The following MCPH1 variants were observed in gnomAD, a reference collection of about 807,000 sequenced individuals.
The protein encoded by MCPH1 is microcephalin.
Under a neutral mutation model 84.5 loss-of-function variants are expected in MCPH1, and 104 were observed. The observed-to-expected ratio is 1.23, with a 90% confidence interval of 1.05 to 1.45. The LOEUF is 1.45. Ranked by LOEUF, MCPH1 falls within the 40% of genes most tolerant of loss-of-function variation. MCPH1 has a pLI of 0.00. For missense variants in MCPH1, 1,498 were observed against 1,005.7 expected, an observed-to-expected ratio of 1.49 and a Z score of -6.62; for synonymous variants, 514 against 366.8, an observed-to-expected ratio of 1.40 and a Z score of -4.58.
intron 11 of MCPH1, among the ~76,000 whole-genome samples, chr8:6,485,977 C>T (rs1295338104): frequency 1.3e-5 from 2 of 152,132 alleles, no homozygotes; most frequent in Non-Finnish European, 2.9e-5. Context: ...CTGTTCATCT[C>T]AGTCTTCAAG....
At chr8:6,431,283 C>G (rs2129554000) in intron 3 of MCPH1, among the ~76,000 whole-genome samples, 1 of 152,264 alleles carries the variant, frequency 6.6e-6, no homozygotes, top group South Asian at 2.1e-4. Flanking sequence ...TTACCTGCCT[C>G]TTGCTTCTGT....
chr8:6,522,645 A>G (rs577855950), intron 12 of MCPH1, among the ~76,000 whole-genome samples: 1 of 150,802 alleles, frequency 6.6e-6, no homozygotes, highest in Non-Finnish European at 1.5e-5. Flanking sequence ...GTGGGGGTAC[A>G]TGAATGTAAT....
chr8:6,483,589 T>G (rs1234389618), intron 11 of MCPH1, among the ~76,000 whole-genome samples: 1 of 152,196 alleles, frequency 6.6e-6, no homozygotes, highest in African/African-American at 2.4e-5. Context: ...GCTGGAGCAG[T>G]TGGACATACA....
At chr8:6,461,871 G>A (rs1430756710) in intron 9 of MCPH1, among the ~76,000 whole-genome samples, 1 of 152,170 alleles carries the variant, frequency 6.6e-6, no homozygotes, top group Non-Finnish European at 1.5e-5. Context: ...ATACACGAAT[G>A]TAATTTTTTT....
chr8:6,504,874 C>T (rs997314139), intron 12 of MCPH1, among the ~76,000 whole-genome samples: 4 of 151,990 alleles, frequency 2.6e-5, no homozygotes, highest in African/African-American at 9.7e-5. Context: ...CAGGCATTTG[C>T]TGGACATCTT....
chr8:6,495,430 G>A (rs996320564), intron 11 of MCPH1, among the ~76,000 whole-genome samples: 12 of 152,200 alleles, frequency 7.9e-5, no homozygotes, highest in African/African-American at 2.9e-4. Context: ...AGTTGGGGAA[G>A]AATCCCAAAT....
chr8:6,409,435 C>A (rs1798228493), intron 2 of MCPH1, 65 bp downstream of exon 2: 1 of 1,339,964 alleles, frequency 7.5e-7, no homozygotes, highest in Non-Finnish European at 1.1e-6. Context: ...GTTACATTTG[C>A]ATTTTCTTAT....
intron 12 of MCPH1, among the ~76,000 whole-genome samples, chr8:6,540,659 T>C (rs908345804): frequency 3.3e-5 from 5 of 152,248 alleles, no homozygotes; most frequent in Admixed American, 3.3e-4. Context: ...AATGACAAAA[T>C]GCTTCTCAGT....
intron 12 of MCPH1, chr8:6,508,861 A>G: frequency 1.2e-6 from 2 of 1,604,422 alleles, no homozygotes; most frequent in Non-Finnish European, 8.5e-7. Flanking sequence ...TTGTAGTCCA[A>G]ATTGCCAGCC....
At chr8:6,640,059 C>CATGTGT (rs571514899) in intron 13 of MCPH1, among the ~76,000 whole-genome samples, 1 of 134,196 alleles carries the variant, frequency 7.5e-6, no homozygotes, top group Non-Finnish European at 1.6e-5. Context: ...ATTTTAAACT[C>CATGTGT]GTGTGTGTGT....
intron 10 of MCPH1, among the ~76,000 whole-genome samples, chr8:6,479,261 T>C (rs1446307763): frequency 6.6e-6 from 1 of 152,012 alleles, no homozygotes; most frequent in Non-Finnish European, 1.5e-5. Context: ...AGTGAGACCC[T>C]GTCTCAAAAC....
chr8:6,423,657 T>C (rs1029059716), intron 3 of MCPH1, among the ~76,000 whole-genome samples: 3 of 152,252 alleles, frequency 2.0e-5, no homozygotes, highest in African/African-American at 7.2e-5. Flanking sequence ...ATTGAGCTTC[T>C]GTATGTATTA....
At chr8:6,642,867 G>A in intron 13 of MCPH1, 127 bp from the exon 14 acceptor site, 2 of 807,012 alleles carry the variant, frequency 2.5e-6, no homozygotes, top group Non-Finnish European at 4.2e-6. Context: ...ACGTGGGGGG[G>A]CCTATGGACA....
intron 12 of MCPH1, among the ~76,000 whole-genome samples, chr8:6,514,139 A>C (rs570146751): frequency 1.0e-3 from 153 of 152,294 alleles, no homozygotes; most frequent in African/African-American, 3.5e-3. Flanking sequence ...AGCACCATTA[A>C]ACAGTCGGCT....
At chr8:6,569,987 A>G (rs1036785113) in intron 12 of MCPH1, among the ~76,000 whole-genome samples, 4 of 152,246 alleles carry the variant, frequency 2.6e-5, no homozygotes, top group African/African-American at 9.6e-5. Flanking sequence ...CCAGATCATT[A>G]ATGCAGAGCT....
chr8:6,476,744 T>C (rs892334254), intron 9 of MCPH1, among the ~76,000 whole-genome samples: 5 of 152,350 alleles, frequency 3.3e-5, no homozygotes, highest in African/African-American at 1.2e-4. Flanking sequence ...TTACTTCACC[T>C]TGACTTTTCA....
chr8:6,555,613 C>T (rs1396510835), intron 12 of MCPH1, among the ~76,000 whole-genome samples: 1 of 151,946 alleles, frequency 6.6e-6, no homozygotes, highest in Non-Finnish European at 1.5e-5. Context: ...AGGCATGTAC[C>T]ACCACGCCTG....
chr8:6,473,745 A>G, intron 9 of MCPH1: 4 of 597,752 alleles, frequency 6.7e-6, no homozygotes, highest in Non-Finnish European at 8.1e-6. Flanking sequence ...GTCCTGCAAC[A>G]TGAGTTTAAT....
intron 12 of MCPH1, 93 bp downstream of exon 12, chr8:6,500,022 T>A: frequency 9.6e-7 from 1 of 1,045,790 alleles, no homozygotes; most frequent in South Asian, 1.3e-5. Flanking sequence ...TTTTATCCAG[T>A]CAAGCACAAT....
Sources: allele counts gnomAD v4.1 joint callset (sites outside exome capture counted in the v4.1 genomes callset), GRCh38; gene constraint gnomAD v4.1.1; transcripts MANE v1.5; gene names NCBI Gene and HGNC (gene_info 2026-07-23, HGNC 2026-07-21).